GPC5: variants seen among roughly 807,000 people sequenced by gnomAD.
GPC5 encodes glypican 5, also known as glypican-5.
A neutral mutation model predicts 53.9 loss-of-function variants in GPC5; 47 were observed. The ratio of observed to expected loss-of-function variants is 0.87; its 90% confidence interval spans 0.69 to 1.11. The LOEUF (loss-of-function observed/expected upper bound fraction) is 1.11. GPC5 is among the 50% of genes most tolerant of loss of function. The pLI is 0.00. For missense variants in GPC5, 748 were observed against 713.1 expected (o/e 1.05, Z -0.56); for synonymous variants, 286 against 263.3 (o/e 1.09, Z -0.84).
chr13:92,103,936 C>T (rs1566436603), intron 6 of GPC5, among the ~76,000 whole-genome samples: 1 of 152,280 alleles, frequency 6.6e-6, no homozygotes, highest in East Asian at 1.9e-4. Flanking sequence ...CATCTCATTC[C>T]TCAGAATTCC....
intron 5 of GPC5, among the ~76,000 whole-genome samples, chr13:91,757,971 G>A (rs1054376268): frequency 6.6e-6 from 1 of 151,886 alleles, no homozygotes; most frequent in Non-Finnish European, 1.5e-5. Flanking sequence ...ATAGTTAAAA[G>A]CTACATTCCT....
chr13:91,897,323 A>AT (rs2039452631), intron 5 of GPC5, among the ~76,000 whole-genome samples: 1 of 145,194 alleles, frequency 6.9e-6, no homozygotes, highest in African/African-American at 2.6e-5. Context: ...GTAGAAGTAA[A>AT]TATAGAGAAT....
chr13:92,064,271 C>G (rs1329274100), intron 6 of GPC5, among the ~76,000 whole-genome samples: 2 of 152,160 alleles, frequency 1.3e-5, no homozygotes, highest in African/African-American at 4.8e-5. Context: ...ATTTCTCACT[C>G]TAAATAGTGT....
chr13:91,858,684 A>G (rs2038993527), intron 5 of GPC5, among the ~76,000 whole-genome samples: 1 of 151,892 alleles, frequency 6.6e-6, no homozygotes, highest in African/African-American at 2.4e-5. Context: ...ACGAGTTTGG[A>G]AATACTCCCT....
chr13:91,843,392 T>A (rs1291707657), intron 5 of GPC5, among the ~76,000 whole-genome samples: 1 of 152,106 alleles, frequency 6.6e-6, no homozygotes, highest in African/African-American at 2.4e-5. Context: ...AGTTGGTCAG[T>A]ATGTGAAGGA....
chr13:92,480,884 C>T (rs1314995707), intron 7 of GPC5, among the ~76,000 whole-genome samples: 1 of 152,058 alleles, frequency 6.6e-6, no homozygotes, highest in Admixed American at 6.6e-5. Flanking sequence ...AGGTGTGACC[C>T]TGGAAGCAGA....
At chr13:92,505,344 A>G (rs1210812214) in intron 7 of GPC5, among the ~76,000 whole-genome samples, 1 of 152,070 alleles carries the variant, frequency 6.6e-6, no homozygotes, top group African/African-American at 2.4e-5. Context: ...ATGGAAGTCC[A>G]GTAAACATGT....
At chr13:92,355,006 TAGC>T (rs1275336110) in intron 7 of GPC5, among the ~76,000 whole-genome samples, 10 of 150,250 alleles carry the variant, frequency 6.7e-5, no homozygotes, top group Admixed American at 2.0e-4. Flanking sequence ...AATATTAAAT[TAGC>T]TTTAATTTAA....
intron 2 of GPC5, among the ~76,000 whole-genome samples, chr13:91,463,140 G>A (rs915445567): frequency 6.6e-6 from 1 of 151,970 alleles, no homozygotes; most frequent in African/African-American, 2.4e-5. Context: ...AAATGGCATA[G>A]TATTTGCATA....
chr13:92,406,658 A>G (rs1875809661), intron 7 of GPC5, among the ~76,000 whole-genome samples: 1 of 152,198 alleles, frequency 6.6e-6, no homozygotes, highest in African/African-American at 2.4e-5. Context: ...ATGTTTACTC[A>G]AAAATGTATA....
intron 7 of GPC5, among the ~76,000 whole-genome samples, chr13:92,532,171 G>A (rs1333677): frequency 0.44 from 67,394 of 151,872 alleles, 15,579 homozygotes; most frequent in African/African-American, 0.56. Flanking sequence ...AATTCCTCAG[G>A]AGTGACACAA....
intron 1 of GPC5, among the ~76,000 whole-genome samples, chr13:91,434,581 A>C (rs1036223555): frequency 1.8e-4 from 27 of 152,190 alleles, no homozygotes; most frequent in Admixed American, 5.2e-4. Context: ...TGGTACCAGT[A>C]CCATGCTGTT....
At chr13:92,510,798 A>T (rs1231429091) in intron 7 of GPC5, among the ~76,000 whole-genome samples, 1 of 152,324 alleles carries the variant, frequency 6.6e-6, no homozygotes, top group Non-Finnish European at 1.5e-5. Flanking sequence ...AGAGTGAGAC[A>T]TAAGTAAGGG....
intron 2 of GPC5, among the ~76,000 whole-genome samples, chr13:91,645,213 A>T (rs2034529575): frequency 6.6e-6 from 1 of 152,138 alleles, no homozygotes. Context: ...AGTTTAGTTC[A>T]ATATCCTGTT....
intron 7 of GPC5, among the ~76,000 whole-genome samples, chr13:92,684,873 A>T (rs1229799646): frequency 6.6e-6 from 1 of 152,054 alleles, no homozygotes; most frequent in Non-Finnish European, 1.5e-5. Flanking sequence ...AATAAGAATT[A>T]TTTCTGCTCA....
chr13:91,949,358 C>T (rs2040005105), intron 6 of GPC5, among the ~76,000 whole-genome samples: 1 of 152,092 alleles, frequency 6.6e-6, no homozygotes. Context: ...TTTACCACTA[C>T]AGTAAAGATA....
intron 7 of GPC5, among the ~76,000 whole-genome samples, chr13:92,444,953 A>G (rs1566593337): frequency 6.6e-6 from 1 of 152,116 alleles, no homozygotes; most frequent in Non-Finnish European, 1.5e-5. Context: ...AGCAGGTGCT[A>G]TTTTCAGGTA....
chr13:92,127,204 G>C (rs2041705384), intron 6 of GPC5, among the ~76,000 whole-genome samples: 1 of 151,960 alleles, frequency 6.6e-6, no homozygotes. Flanking sequence ...AAGCAGGTGA[G>C]AGCAGCCTTA....
intron 7 of GPC5, among the ~76,000 whole-genome samples, chr13:92,158,426 T>A (rs2041960937): frequency 6.6e-6 from 1 of 152,134 alleles, no homozygotes; most frequent in Non-Finnish European, 1.5e-5. Flanking sequence ...GATGTTTAGA[T>A]AACAGTTAGC....
Sources: gnomAD v4.1 joint callset for allele counts (sites outside exome capture counted in the v4.1 genomes callset) on GRCh38, gnomAD v4.1.1 for gene constraint, MANE v1.5 for transcripts, NCBI Gene and HGNC (gene_info 2026-07-23, HGNC 2026-07-21) for gene names.